The following STAC variants were observed in gnomAD, a reference collection of about 807,000 sequenced individuals.
STAC encodes the protein SH3 and cysteine-rich domain-containing protein.
In STAC, 43 loss-of-function variants were observed where a neutral mutation model predicts 48.8. That is an observed-to-expected ratio of 0.88 (90% CI 0.69 to 1.14). STAC has a LOEUF of 1.14. Ranked by LOEUF, STAC falls within the 50% of genes most tolerant of loss-of-function variation. STAC has a pLI of 0.00. For synonymous variants in STAC, 193 were observed against 179.5 expected, an observed-to-expected ratio of 1.07 and a Z score of -0.60; for missense variants, 497 against 504.0, an observed-to-expected ratio of 0.99 and a Z score of 0.13.
At chr3:36,415,644 C>A (rs1700303503) in intron 1 of STAC, among the ~76,000 whole-genome samples, 1 of 152,198 alleles carries the variant, frequency 6.6e-6, no homozygotes, top group African/African-American at 2.4e-5. Flanking sequence ...GTCTGACAAG[C>A]CCCAGTGAGA....
At chr3:36,474,241 T>G (rs934697276) in intron 2 of STAC, among the ~76,000 whole-genome samples, 1 of 152,144 alleles carries the variant, frequency 6.6e-6, no homozygotes, top group African/African-American at 2.4e-5. Context: ...GAATCACATT[T>G]CTCTTCCAAA....
intron 10 of STAC, among the ~76,000 whole-genome samples, chr3:36,538,930 T>C (rs994948383): frequency 6.6e-6 from 1 of 152,214 alleles, no homozygotes; most frequent in Non-Finnish European, 1.5e-5. Context: ...TCAATGCCTC[T>C]TTCTCCAGGA....
chr3:36,415,574 TC>T (rs753658121), intron 1 of STAC, among the ~76,000 whole-genome samples: 12 of 152,174 alleles, frequency 7.9e-5, no homozygotes, highest in Non-Finnish European at 7.3e-5. Flanking sequence ...GAAAGGGAAT[TC>T]CCTGACCCCC....
At chr3:36,533,220 C>T (rs1699113478) in intron 10 of STAC, among the ~76,000 whole-genome samples, 1 of 152,136 alleles carries the variant, frequency 6.6e-6, no homozygotes, top group Admixed American at 6.5e-5. Context: ...CATGTGGGCT[C>T]CCTATTGGGT....
chr3:36,441,079 A>AT (rs1019681635), intron 1 of STAC, among the ~76,000 whole-genome samples: 1 of 152,144 alleles, frequency 6.6e-6, no homozygotes. Flanking sequence ...AACATTTATC[A>AT]TTTTTTTGTG....
chr3:36,497,161 G>A (rs1354666482), intron 6 of STAC, among the ~76,000 whole-genome samples: 1 of 152,142 alleles, frequency 6.6e-6, no homozygotes, highest in Non-Finnish European at 1.5e-5. Flanking sequence ...CCTGGTTTTG[G>A]TACCACTCCA....
intron 5 of STAC, 62 bp from the exon 6 acceptor site, chr3:36,493,089 T>C (rs1004663481): frequency 2.7e-6 from 4 of 1,508,852 alleles, no homozygotes; most frequent in Non-Finnish European, 3.7e-6. Context: ...CACCAAAGTA[T>C]CTGCTCAATT....
chr3:36,441,473 T>A (rs913595083), intron 1 of STAC, among the ~76,000 whole-genome samples: 1 of 152,226 alleles, frequency 6.6e-6, no homozygotes, highest in Non-Finnish European at 1.5e-5. Flanking sequence ...ATGTACCATA[T>A]TTCCTTTATC....
rs1170639415 is a variant in STAC at position 36,410,636 on chromosome 3, T to A, written c.111+29882T>A. Among the ~76,000 whole-genome samples, 4 of 152,200 alleles carry A rather than the reference T, an allele frequency of 2.6e-5. 1 individual carries two copies. Among genetic ancestry groups the A allele is most frequent in the Middle Eastern group, 6.3e-3 (2 of 316 alleles). On this transcript the variant is annotated intron_variant, in intron 1 of 10. Coordinates refer to ENST00000273183, the MANE Select transcript of STAC (RefSeq NM_003149.3). The stretch of plus-strand genomic sequence containing the variant: ...TGGAGAAAAGCTTAAAGGATATCCG[T>A]TCTTTTTGCTGTCTATATTAAATAA...
At chr3:36,503,960 C>T (rs1698338515) in intron 6 of STAC, among the ~76,000 whole-genome samples, 1 of 152,052 alleles carries the variant, frequency 6.6e-6, no homozygotes, top group South Asian at 2.1e-4. Context: ...AATCAAGATA[C>T]CGAATATAGA....
At chr3:36,401,324 A>G (rs1362926059) in intron 1 of STAC, among the ~76,000 whole-genome samples, 2 of 152,346 alleles carry the variant, frequency 1.3e-5, no homozygotes, top group South Asian at 2.1e-4. Context: ...CTTTTCCAGT[A>G]TATTCTTAGA....
intron 9 of STAC, 40 bp downstream of exon 9, chr3:36,528,787 A>G (rs75665620): frequency 6.3e-7 from 1 of 1,598,542 alleles, no homozygotes; most frequent in South Asian, 1.1e-5. Context: ...AGAGAAAATC[A>G]TTTGGTAACT....
intron 3 of STAC, among the ~76,000 whole-genome samples, chr3:36,483,327 A>G (rs1193344716): frequency 6.6e-6 from 1 of 152,182 alleles, no homozygotes; most frequent in Admixed American, 6.5e-5. Context: ...AGAGTGACCA[A>G]CTTCTCCCAG....
intron 8 of STAC, among the ~76,000 whole-genome samples, chr3:36,526,731 A>G (rs1026987633): frequency 6.6e-6 from 1 of 152,178 alleles, no homozygotes; most frequent in African/African-American, 2.4e-5. Context: ...CCTATACTCT[A>G]AAGAAAAAGA....
chr3:36,445,095 CATT>C (rs1224259149), intron 2 of STAC, among the ~76,000 whole-genome samples: 5 of 152,104 alleles, frequency 3.3e-5, no homozygotes, highest in African/African-American at 1.2e-4. Flanking sequence ...TTTTAGATCT[CATT>C]GTGATGAGTG....
chr3:36,432,908 C>G (rs1005404858), intron 1 of STAC, among the ~76,000 whole-genome samples: 6 of 152,154 alleles, frequency 3.9e-5, no homozygotes, highest in African/African-American at 1.4e-4. Context: ...AAAGATAACC[C>G]GTGTAAAGTC....
At chr3:36,454,669 T>C (rs1696800057) in intron 2 of STAC, among the ~76,000 whole-genome samples, 1 of 152,172 alleles carries the variant, frequency 6.6e-6, no homozygotes, top group Non-Finnish European at 1.5e-5. Flanking sequence ...CATCTTCATA[T>C]GCATACAACT....
intron 8 of STAC, among the ~76,000 whole-genome samples, chr3:36,509,767 C>T (rs1698490947): frequency 6.6e-6 from 1 of 151,884 alleles, no homozygotes; most frequent in African/African-American, 2.4e-5. Flanking sequence ...ATGCAGAACA[C>T]TGAAACTGGA....
chr3:36,407,344 G>A (rs1575179383), intron 1 of STAC, among the ~76,000 whole-genome samples: 1 of 152,288 alleles, frequency 6.6e-6, no homozygotes, highest in East Asian at 1.9e-4. Context: ...AAATATGACA[G>A]ACAATCCTGG....
Sources: allele counts gnomAD v4.1 joint callset (sites outside exome capture counted in the v4.1 genomes callset), GRCh38; gene constraint gnomAD v4.1.1; transcripts MANE v1.5; gene names NCBI Gene and HGNC (gene_info 2026-07-23, HGNC 2026-07-21).